KDM4D: variants seen among roughly 807,000 people sequenced by gnomAD.
KDM4D encodes lysine-specific demethylase 4D.
For synonymous variants in KDM4D, 254 were observed against 249.1 expected, an observed-to-expected ratio of 1.02 and a Z score of -0.19; for missense variants, 427 against 674.8, an observed-to-expected ratio of 0.63 and a Z score of 4.07.
At chr11:94,974,578 G>A (rs1555096744) in intron 1 of KDM4D, among the ~76,000 whole-genome samples, 2 of 152,178 alleles carry the variant, frequency 1.3e-5, no homozygotes, top group African/African-American at 4.8e-5. Flanking sequence ...CAGTCATAGA[G>A]TTCAAGATGA....
At position 94,997,728 on chromosome 11, in the gene KDM4D, A is replaced by C. The variant is rs1555099399; in HGVS notation, c.356A>C (p.Glu119Ala). The C allele has an allele frequency of 1.2e-6, 2 of 1,614,268 alleles. No individual in the cohort carries two copies. Among genetic ancestry groups the C allele is most frequent in the East Asian group, 2.2e-5 (1 of 44,890 alleles). ...CAGACTCCACCACACCAGAATTTCG[A>C]AGATTTGGAGCGAAAATACTGGAAG... ...KYQTPPHQNF[E>A]DLERKYWKNR... is the part of the protein sequence containing the mutation. The change falls in exon 3 of 3, where the codon GAA (glutamate) becomes GCA (alanine). Residue 119 changes from glutamate to alanine, a missense_variant. By Grantham distance (107) the Glu-to-Ala change is moderately radical (BLOSUM62 -1). Transcript: ENST00000335080.
chr11:94,999,090 C>A lies in KDM4D; in HGVS notation c.*146C>A. On this transcript the variant is annotated 3_prime_UTR_variant, in exon 3 of 3. Coordinates refer to ENST00000335080, the MANE Select transcript of KDM4D (RefSeq NM_018039.3). ...CCCCTGGTGATGCCCTTGGATGCTG[C>A]CAAGTCCATGGTAGTTTTCAATTTT... The A allele has an allele frequency of 1.5e-6, 1 of 684,314 alleles. No individual in the cohort carries two copies. The highest frequency in any genetic ancestry group is 2.2e-6 in the Non-Finnish European group (1 of 452,204). 42.4% of individuals were successfully genotyped at this position (684,314 alleles called of 1,614,324 possible). A position where few individuals can be genotyped will look rare whatever the true frequency, so the allele number is the denominator to read the frequency against.
Position 94,998,419 on chromosome 11 carries a change from G to C in KDM4D, c.1047G>C (p.Glu349Asp), listed in dbSNP as rs1280020692. 2 of 1,613,900 alleles carry C rather than the reference G, an allele frequency of 1.2e-6. No homozygotes were observed. The highest frequency in any genetic ancestry group is 1.7e-6 in the Non-Finnish European group (2 of 1,180,034). ...GQDRAVVDHM[E>D]PRVPASQELS... ...ACCGGGCAGTTGTGGACCACATGGAGCCCAGGGTACCAGCCAGCCAAGAGC... is the reference window on the plus strand; with the variant it reads ...ACCGGGCAGTTGTGGACCACATGGACCCCAGGGTACCAGCCAGCCAAGAGC... Residue 349 changes from glutamate (E) to aspartate (D), a missense_variant, in exon 3 of 3, where the codon GAG (glutamate) becomes GAC (aspartate). Coordinates refer to ENST00000335080, the MANE Select transcript of KDM4D (RefSeq NM_018039.3). The surrounding 1 kb of genome is among the most constrained non-coding windows in gnomAD (Gnocchi z 6.7).
chr11:94,977,413 T>C (rs114837649), intron 2 of KDM4D, among the ~76,000 whole-genome samples: 58 of 152,270 alleles, frequency 3.8e-4, no homozygotes, highest in African/African-American at 1.4e-3. Flanking sequence ...CACTTGCTCA[T>C]GCTTTTCATG....
At chr11:94,996,371 T>G (rs1330766446) in intron 2 of KDM4D, among the ~76,000 whole-genome samples, 1 of 152,154 alleles carries the variant, frequency 6.6e-6, no homozygotes, top group Non-Finnish European at 1.5e-5. Context: ...ACAACCCCTC[T>G]TTTCCCAAGG....
At chr11:94,993,748 G>A (rs1205601880) in intron 2 of KDM4D, among the ~76,000 whole-genome samples, 1 of 151,904 alleles carries the variant, frequency 6.6e-6, no homozygotes, top group Non-Finnish European at 1.5e-5. Flanking sequence ...TTCATAGTCA[G>A]CATTTTGTTA....
At chr11:94,974,324 CCCTT>C (rs1310984623) in intron 1 of KDM4D, among the ~76,000 whole-genome samples, 2 of 152,208 alleles carry the variant, frequency 1.3e-5, no homozygotes, top group Non-Finnish European at 2.9e-5. Context: ...CGTCTCTCCT[CCCTT>C]CCATAAAAAC....
Position 94,999,000 on chromosome 11 carries a change from T to C in KDM4D, c.*56T>C. On this transcript the variant is annotated 3_prime_UTR_variant, in exon 3 of 3. Coordinates refer to ENST00000335080, the MANE Select transcript of KDM4D (RefSeq NM_018039.3). The surrounding 1 kb of genome is among the most constrained non-coding windows in gnomAD (Gnocchi z 6.7). ...CTGCTGTGTGACAGTTTGATGAAAC[T>C]GGTTACATTTACATCCCAAAACTTT... 2 of 1,448,602 alleles carry C rather than the reference T, an allele frequency of 1.4e-6. No homozygotes were observed. Among genetic ancestry groups the C allele is most frequent in the Non-Finnish European group, 1.8e-6 (2 of 1,096,806 alleles). The allele number at this position is 1,448,602 out of a possible 1,614,324, so 89.7% of individuals were successfully genotyped here.
In KDM4D at chr11:94,998,781, C is replaced by G; in HGVS notation, c.1409C>G (p.Pro470Arg). 1 of 1,609,012 alleles carries G rather than the reference C, an allele frequency of 6.2e-7. No homozygotes were observed. The highest frequency in any genetic ancestry group is 8.5e-7 in the Non-Finnish European group (1 of 1,176,246). ...LRAQELTLQT[P>R]AKRPLLAGTT... ...GCTCAGGAGCTGACCCTCCAGACTC[C>G]AGCCAAGAGGCCCCTCTTGGCGGGC... Residue 470 changes from proline to arginine, a missense_variant, in exon 3 of 3, where the codon CCA becomes CGA. Physicochemically the swap from Pro to Arg is moderately radical, Grantham distance 103. Transcript: ENST00000335080. The surrounding 1 kb of genome is among the most constrained non-coding windows in gnomAD (Gnocchi z 6.7).
chr11:94,980,520 A>G (rs587705085), intron 2 of KDM4D, among the ~76,000 whole-genome samples: 1 of 152,342 alleles, frequency 6.6e-6, no homozygotes, highest in Non-Finnish European at 1.5e-5. Flanking sequence ...CATTTTTACA[A>G]TACTAAGTCT....
intron 2 of KDM4D, among the ~76,000 whole-genome samples, chr11:94,996,328 T>C (rs11021003): frequency 0.61 from 92,371 of 151,892 alleles, 28,709 homozygotes; most frequent in Middle Eastern, 0.73. Context: ...AGATTAACTT[T>C]ACTCAAGAGA....
Position 94,997,508 on chromosome 11 carries a change from G to A in KDM4D, c.136G>A (p.Ala46Thr). The A allele has an allele frequency of 6.2e-7, 1 of 1,614,212 alleles. No homozygotes were observed. The highest frequency in any genetic ancestry group is 2.2e-5 in the East Asian group (1 of 44,884). Residue 46 changes from alanine to threonine, a missense_variant, in exon 3 of 3, where the codon GCT becomes ACT. Coordinates refer to ENST00000335080, the MANE Select transcript of KDM4D (RefSeq NM_018039.3). ...AYMESQGAHR[A>T]GLAKIIPPKE... Reference sequence around the variant, plus strand: ...CATGGAATCCCAAGGTGCACACAGAGCTGGCTTGGCTAAGATAATTCCACC... The same window carrying A: ...CATGGAATCCCAAGGTGCACACAGAACTGGCTTGGCTAAGATAATTCCACC...
intron 2 of KDM4D, among the ~76,000 whole-genome samples, chr11:94,988,392 C>A (rs1857905991): frequency 6.6e-6 from 1 of 152,178 alleles, no homozygotes; most frequent in South Asian, 2.1e-4. Context: ...AACTTTATGA[C>A]CCCTGCCTCA....
chr11:94,993,531 G>A (rs1857953385), intron 2 of KDM4D, among the ~76,000 whole-genome samples: 1 of 135,680 alleles, frequency 7.4e-6, no homozygotes, highest in South Asian at 2.3e-4. Context: ...TTTTTTTTTG[G>A]AGCGCAGTCA....
intron 2 of KDM4D, among the ~76,000 whole-genome samples, chr11:94,979,581 A>G (rs1857827498): frequency 6.6e-6 from 1 of 152,208 alleles, no homozygotes; most frequent in Non-Finnish European, 1.5e-5. Flanking sequence ...TAAATTTTAT[A>G]TAAATGTTCA....
rs1555099470 is a variant in KDM4D at position 94,998,098 on chromosome 11, G to A, written c.726G>A (p.Leu242=). The A allele has an allele frequency of 6.2e-7, 1 of 1,614,140 alleles. No individual in the cohort carries two copies. Among genetic ancestry groups the A allele is most frequent in the South Asian group, 1.1e-5 (1 of 91,080 alleles). The part of the protein sequence containing the change: ...PGSSRGCGAF[L]RHKVALISPT... ...GTTCCCGGGGTTGTGGGGCCTTCCT[G>A]CGGCACAAGGTGGCCCTCATCTCGC... Residue 242 remains leucine (L), a synonymous_variant, in exon 3 of 3, where the codon CTG becomes CTA. Coordinates refer to ENST00000335080, the MANE Select transcript of KDM4D (RefSeq NM_018039.3). This position sits in a 1 kb window ranked among gnomAD's most constrained non-coding sequence, Gnocchi z 6.7.
intron 2 of KDM4D, among the ~76,000 whole-genome samples, chr11:94,989,810 G>T (rs1293453726): frequency 7.0e-6 from 1 of 142,798 alleles, no homozygotes; most frequent in African/African-American, 2.6e-5. Context: ...GGAGTGCAGT[G>T]GCGTGATCTC....
chr11:94,987,752 ATACT>A (rs140150214), intron 2 of KDM4D, among the ~76,000 whole-genome samples: 3,906 of 152,296 alleles, frequency 0.026, 160 homozygotes, highest in African/African-American at 0.088. Flanking sequence ...AATTCTTATA[ATACT>A]TAGAGAAGAG....
At position 94,998,484 on chromosome 11, in the gene KDM4D, C is replaced by T. The variant is rs111490230; in HGVS notation, c.1112C>T (p.Ala371Val). 2.9e-5 allele frequency: 47 copies of T among 1,612,308 alleles called. 1 individual carries two copies. In the East Asian group the frequency reaches 3.1e-4, roughly 11 times the overall value. Residue 371 changes from alanine (A) to valine (V), a missense_variant, in exon 3 of 3, where the codon GCG becomes GTG. Ala to Val is a moderately conservative substitution (Grantham distance 64). Coordinates refer to ENST00000335080, the MANE Select transcript of KDM4D (RefSeq NM_018039.3). This position sits in a 1 kb window ranked among gnomAD's most constrained non-coding sequence, Gnocchi z 6.7. ...GAAGTCCAGTTACCCAGGAGAGCAG[C>T]GCTGGGCCTGAGACAACTCCCTTCC... The part of the protein sequence containing the change: ...QKEVQLPRRA[A>V]LGLRQLPSHW...
Sources: allele counts gnomAD v4.1 joint callset (sites outside exome capture counted in the v4.1 genomes callset), GRCh38; gene constraint gnomAD v4.1.1; non-coding constraint Gnocchi (gnomAD v3.1); transcripts MANE v1.5; gene names NCBI Gene and HGNC (gene_info 2026-07-23, HGNC 2026-07-21).